RGS8: variants seen among roughly 807,000 people sequenced by gnomAD.
RGS8 encodes regulator of G-protein signaling 8.
In RGS8, 8 loss-of-function variants were observed where a neutral mutation model predicts 21.7. The ratio of observed to expected loss-of-function variants is 0.37; its 90% CI spans 0.22 to 0.66. RGS8 has a LOEUF of 0.66. RGS8 is among the 30% of genes least tolerant of loss of function. RGS8 has a pLI of 0.59. For synonymous variants in RGS8, 80 were observed against 83.6 expected (o/e 0.96, Z 0.24); for missense variants, 157 against 217.9 (o/e 0.72, Z 1.76).
the RGS8 span, among the ~76,000 whole-genome samples, chr1:182,691,745 T>C: frequency 6.6e-6 from 1 of 151,678 alleles, no homozygotes; most frequent in Non-Finnish European, 1.5e-5. Context: ...AGCTTTCCCC[T>C]TGAAAGCTGG....
chr1:182,721,260 C>T, the RGS8 span, among the ~76,000 whole-genome samples: 1 of 151,636 alleles, frequency 6.6e-6, no homozygotes, highest in South Asian at 2.1e-4. Context: ...ATTGGGATGC[C>T]ACAGTGAAAA....
At chr1:182,662,342 T>C (rs1332519706) in intron 5 of RGS8, among the ~76,000 whole-genome samples, 1 of 152,156 alleles carries the variant, frequency 6.6e-6, no homozygotes, top group Non-Finnish European at 1.5e-5. Flanking sequence ...CCAAAGGTGA[T>C]TGGTTATTGC....
upstream of RGS8, among the ~76,000 whole-genome samples, chr1:182,675,421 T>G (rs1332154114): frequency 6.6e-6 from 1 of 152,130 alleles, no homozygotes; most frequent in Admixed American, 6.5e-5. Flanking sequence ...CCTGCCCTCA[T>G]TTCTTTCTCT....
the RGS8 span, among the ~76,000 whole-genome samples, chr1:182,717,597 C>T: frequency 6.6e-6 from 1 of 152,188 alleles, no homozygotes; most frequent in Non-Finnish European, 1.5e-5. Context: ...AAGGCCTGCC[C>T]TAGTGGGTGT....
chr1:182,726,240 C>A, the RGS8 span, among the ~76,000 whole-genome samples: 1 of 151,700 alleles, frequency 6.6e-6, no homozygotes, highest in African/African-American at 2.4e-5. Flanking sequence ...AAGAAAACTG[C>A]TTTGATATTT....
At chr1:182,682,798 G>A (rs1312452228) in intron 1 of RGS8, among the ~76,000 whole-genome samples, 1 of 152,144 alleles carries the variant, frequency 6.6e-6, no homozygotes, top group Non-Finnish European at 1.5e-5. Context: ...CACTTGGAGG[G>A]TTTTTCTTAA....
intron 3 of RGS8, among the ~76,000 whole-genome samples, chr1:182,668,786 G>A (rs766971594): frequency 3.9e-5 from 6 of 152,118 alleles, no homozygotes; most frequent in African/African-American, 1.4e-4. Flanking sequence ...GTGTCTACTC[G>A]CGCTTGCAAA....
chr1:182,697,055 T>C, the RGS8 span, among the ~76,000 whole-genome samples: 1 of 152,212 alleles, frequency 6.6e-6, no homozygotes, highest in African/African-American at 2.4e-5. Context: ...CAAAGACATT[T>C]TCAAGCCCAG....
At chr1:182,712,239 A>T in the RGS8 span, among the ~76,000 whole-genome samples, 1 of 152,250 alleles carries the variant, frequency 6.6e-6, no homozygotes, top group East Asian at 1.9e-4. Context: ...CTACACATCC[A>T]TGAAGTACCC....
intron 5 of RGS8, among the ~76,000 whole-genome samples, chr1:182,661,678 T>C (rs1663594504): frequency 6.6e-6 from 1 of 152,076 alleles, no homozygotes; most frequent in Admixed American, 6.5e-5. Context: ...TTGTGAGAAA[T>C]AAAGAAGAAT....
intron 3 of RGS8, among the ~76,000 whole-genome samples, chr1:182,668,845 T>C (rs1463830273): frequency 1.3e-5 from 2 of 152,232 alleles, no homozygotes; most frequent in Non-Finnish European, 2.9e-5. Context: ...TTGAGGGCCC[T>C]CGAGTCATCA....
At chr1:182,674,554 C>T (rs1182925337), upstream of RGS8, among the ~76,000 whole-genome samples, 4 of 152,006 alleles carry the variant, frequency 2.6e-5, no homozygotes, top group African/African-American at 7.3e-5. Flanking sequence ...GTGCAGGCCC[C>T]GCTTACAAGA....
chr1:182,732,279 A>T, the RGS8 span, among the ~76,000 whole-genome samples: 5 of 150,762 alleles, frequency 3.3e-5, no homozygotes, highest in Non-Finnish European at 7.4e-5. Flanking sequence ...TCATACACAC[A>T]CACACACACA....
chr1:182,684,742 G>A (rs1267448464), upstream of RGS8, among the ~76,000 whole-genome samples: 1 of 152,110 alleles, frequency 6.6e-6, no homozygotes, highest in Non-Finnish European at 1.5e-5. The surrounding 1 kb of genome is among the most constrained non-coding windows in gnomAD (Gnocchi z 4.2). Context: ...CTCACAGACA[G>A]CTGCCTCCGA....
At chr1:182,707,658 C>T in the RGS8 span, among the ~76,000 whole-genome samples, 21 of 152,228 alleles carry the variant, frequency 1.4e-4, no homozygotes, top group African/African-American at 4.6e-4. Context: ...CAATAAATAA[C>T]ATTAGGCATT....
the RGS8 span, among the ~76,000 whole-genome samples, chr1:182,720,533 T>A: frequency 6.6e-6 from 1 of 152,136 alleles, no homozygotes; most frequent in South Asian, 2.1e-4. Flanking sequence ...AATTCCAAGT[T>A]CTTCAATTTG....
chr1:182,751,472 A>T, the RGS8 span, among the ~76,000 whole-genome samples: 1 of 152,198 alleles, frequency 6.6e-6, no homozygotes, highest in Non-Finnish European at 1.5e-5. Context: ...GCCTACGTAC[A>T]AATCAGATGA....
At chr1:182,742,104 C>A in the RGS8 span, among the ~76,000 whole-genome samples, 7 of 145,412 alleles carry the variant, frequency 4.8e-5, no homozygotes, top group Non-Finnish European at 1.1e-4. Context: ...CCAGACAGGG[C>A]GGCGGGGCAG....
the RGS8 span, among the ~76,000 whole-genome samples, chr1:182,725,726 T>C: frequency 1.3e-5 from 2 of 152,222 alleles, no homozygotes; most frequent in Admixed American, 6.5e-5. Flanking sequence ...AAGTGATGTG[T>C]TTCCTGCTAG....
Sources: allele counts gnomAD v4.1 joint callset (sites outside exome capture counted in the v4.1 genomes callset), GRCh38; gene constraint gnomAD v4.1.1; non-coding constraint Gnocchi (gnomAD v3.1); transcripts MANE v1.5; gene names NCBI Gene and HGNC (gene_info 2026-07-23, HGNC 2026-07-21).